The following GRM1 variants were observed in gnomAD, a reference collection of about 807,000 sequenced individuals.
GRM1 encodes the protein metabotropic glutamate receptor 1.
In GRM1, 33 loss-of-function variants were observed where a neutral mutation model predicts 90.9. That is an observed-to-expected ratio of 0.36 (90% CI 0.28 to 0.49). The LOEUF is 0.49. Ranked by LOEUF, GRM1 falls within the 20% of genes least tolerant of loss-of-function variation. GRM1 has a pLI of 0.99. For synonymous variants in GRM1, 700 were observed against 613.2 expected (o/e 1.14, Z -2.09); for missense variants, 1,190 against 1,534.3 (o/e 0.78, Z 3.75).
intron 1 of GRM1, among the ~76,000 whole-genome samples, chr6:146,043,782 G>GAGATATATAT (rs771296715): frequency 2.2e-5 from 2 of 89,986 alleles, no homozygotes; most frequent in East Asian, 5.5e-4. Context: ...AGAGTCAGGT[G>GAGATATATAT]ATATATATAT....
At chr6:146,411,594 G>A (rs28687680) in intron 7 of GRM1, among the ~76,000 whole-genome samples, 2,403 of 152,274 alleles carry the variant, frequency 0.016, 83 homozygotes, top group African/African-American at 0.055. Context: ...GGATGTTTAG[G>A]AGACGAGCAA....
At chr6:146,323,304 T>C (rs951762284) in intron 3 of GRM1, among the ~76,000 whole-genome samples, 2 of 152,234 alleles carry the variant, frequency 1.3e-5, no homozygotes, top group Non-Finnish European at 2.9e-5. Flanking sequence ...AAATGATATC[T>C]CATTGTGGTT....
At chr6:146,122,302 TG>T in intron 1 of GRM1, among the ~76,000 whole-genome samples, 1 of 152,296 alleles carries the variant, frequency 6.6e-6, no homozygotes, top group South Asian at 2.1e-4. Flanking sequence ...TTTTCTTCCT[TG>T]GCAAGATAAT....
chr6:146,165,754 T>C (rs1777882701), intron 2 of GRM1, among the ~76,000 whole-genome samples: 1 of 152,136 alleles, frequency 6.6e-6, no homozygotes, highest in East Asian at 1.9e-4. Flanking sequence ...AGGAATTTTG[T>C]TTAGAATACT....
At chr6:146,259,196 G>A (rs975095196) in intron 2 of GRM1, among the ~76,000 whole-genome samples, 1 of 152,012 alleles carries the variant, frequency 6.6e-6, no homozygotes, top group African/African-American at 2.4e-5. Flanking sequence ...TCAAGTCCTA[G>A]TTTAGACAAT....
chr6:146,232,515 C>A (rs536144916), intron 2 of GRM1, among the ~76,000 whole-genome samples: 2 of 152,102 alleles, frequency 1.3e-5, no homozygotes, highest in South Asian at 4.1e-4. Context: ...AAGCATTTAT[C>A]CTTTTTGTTA....
In GRM1 at chr6:146,143,847, A is replaced by G. The variant is rs75613373; in HGVS notation, c.701-15501A>G. ...TAGAATCACCAAATGCTTATGCTATAAGAAACCTTAGAGATTTCCTAGTAC... is the reference window on the plus strand; with the variant it reads ...TAGAATCACCAAATGCTTATGCTATGAGAAACCTTAGAGATTTCCTAGTAC... On this transcript the variant is annotated intron_variant, in intron 1 of 7. Coordinates refer to ENST00000282753, the MANE Select transcript of GRM1 (RefSeq NM_001278064.2). 6.6e-5 allele frequency among the ~76,000 whole-genome samples: 10 copies of G among 152,364 alleles called. No individual in the cohort carries two copies. In the East Asian group the frequency reaches 1.9e-3, roughly 29 times the overall value.
chr6:146,135,101 A>G (rs560632954), intron 1 of GRM1, among the ~76,000 whole-genome samples: 1 of 152,328 alleles, frequency 6.6e-6, no homozygotes, highest in East Asian at 1.9e-4. Context: ...TACTTACTAT[A>G]TGATAATATT....
At chr6:146,265,928 C>T (rs576399190) in intron 2 of GRM1, among the ~76,000 whole-genome samples, 20 of 152,264 alleles carry the variant, frequency 1.3e-4, no homozygotes, top group African/African-American at 2.9e-4. Context: ...TGGTGGCTCA[C>T]GCCTGTAATC....
At chr6:146,405,148 A>T (rs1319455864) in intron 7 of GRM1, among the ~76,000 whole-genome samples, 1 of 152,200 alleles carries the variant, frequency 6.6e-6, no homozygotes, top group Non-Finnish European at 1.5e-5. Context: ...ATTAATTGAA[A>T]GTGCTATAAA....
chr6:146,349,352 A>T (rs1395674202), intron 3 of GRM1, among the ~76,000 whole-genome samples: 1 of 151,540 alleles, frequency 6.6e-6, no homozygotes, highest in African/African-American at 2.4e-5. Context: ...AAGTGCTGGG[A>T]TTACAGGCGT....
intron 2 of GRM1, among the ~76,000 whole-genome samples, chr6:146,283,891 A>G (rs1782669176): frequency 6.6e-6 from 1 of 152,218 alleles, no homozygotes; most frequent in Non-Finnish European, 1.5e-5. Context: ...TAACTCACGT[A>G]TGATAGATAA....
chr6:146,417,163 A>G (rs1178838520), intron 7 of GRM1, among the ~76,000 whole-genome samples: 1 of 152,194 alleles, frequency 6.6e-6, no homozygotes, highest in Non-Finnish European at 1.5e-5. Context: ...CAAAAATTCC[A>G]AGGGGAAAAA....
intron 2 of GRM1, among the ~76,000 whole-genome samples, chr6:146,266,945 G>A (rs2097799257): frequency 6.6e-6 from 1 of 152,144 alleles, no homozygotes; most frequent in Admixed American, 6.6e-5. Context: ...TTGTTACATA[G>A]GTAAACACGT....
At chr6:146,182,981 C>G (rs1778603175) in intron 2 of GRM1, among the ~76,000 whole-genome samples, 1 of 152,000 alleles carries the variant, frequency 6.6e-6, no homozygotes, top group Admixed American at 6.6e-5. Flanking sequence ...AATTTAGTTA[C>G]TACAGTAGAA....
In GRM1 at chr6:146,328,500, T is replaced by A. The variant is rs115238443; in HGVS notation, c.1186+23654T>A. Among the ~76,000 whole-genome samples, 727 of 152,334 alleles carry A rather than the reference T, an allele frequency of 4.8e-3. 4 individuals are homozygous for A. Among genetic ancestry groups the A allele is most frequent in the African/African-American group, 0.017 (697 of 41,584 alleles). On this transcript the variant is annotated intron_variant, in intron 3 of 7. Coordinates refer to ENST00000282753, the MANE Select transcript of GRM1 (RefSeq NM_001278064.2). ...GCCTCATATGTAAGCAATGTGCCAA[T>A]GTTAAATAACAAAGTGAAATAAATT...
chr6:146,279,132 C>T (rs577971174), intron 2 of GRM1, among the ~76,000 whole-genome samples: 1 of 152,280 alleles, frequency 6.6e-6, no homozygotes, highest in Non-Finnish European at 1.5e-5. Flanking sequence ...AAACTGTCAA[C>T]ATTATTGGCA....
chr6:146,309,136 T>C (rs940346883), intron 3 of GRM1, among the ~76,000 whole-genome samples: 3 of 152,166 alleles, frequency 2.0e-5, no homozygotes, highest in African/African-American at 7.2e-5. Flanking sequence ...TGGTGGCTCA[T>C]GCCTGTAATC....
chr6:146,196,463 A>ATTTTTTTTTTT (rs772811053), intron 2 of GRM1, among the ~76,000 whole-genome samples: 19 of 85,906 alleles, frequency 2.2e-4, no homozygotes, highest in East Asian at 6.8e-4. Flanking sequence ...AATTTTTTGT[A>ATTTTTTTTTTT]TTTTTTTTTT....
Sources: gnomAD v4.1 joint callset for allele counts (sites outside exome capture counted in the v4.1 genomes callset) on GRCh38, gnomAD v4.1.1 for gene constraint, MANE v1.5 for transcripts, NCBI Gene and HGNC (gene_info 2026-07-23, HGNC 2026-07-21) for gene names.